Variants in CERS1 observed in about 807,000 individuals in gnomAD.
CERS1 encodes the protein Embryonic growth/differentiation factor 1.
CERS1 carries 16 observed loss-of-function variants against 35.7 expected under a neutral mutation model. The observed-to-expected ratio is 0.45, with a 90% CI of 0.30 to 0.68. CERS1 has a LOEUF of 0.68. Ranked by LOEUF, CERS1 falls within the 30% of genes least tolerant of loss-of-function variation. CERS1 has a pLI of 0.08. For missense variants in CERS1, 454 were observed against 453.9 expected (o/e 1.00, Z 0.00); for synonymous variants, 243 against 201.6 (o/e 1.21, Z -1.74).
chr19:18,888,945 G>GCA (rs1431207249), intron 2 of CERS1, among the ~76,000 whole-genome samples: 1 of 144,168 alleles, frequency 6.9e-6, no homozygotes, highest in Non-Finnish European at 1.5e-5. Flanking sequence ...AGGCTGGAGT[G>GCA]CAGTAGCATG....
intron 6 of CERS1, among the ~76,000 whole-genome samples, chr19:18,876,719 A>C (rs1443172641): frequency 1.3e-5 from 2 of 152,310 alleles, no homozygotes; most frequent in Middle Eastern, 6.8e-3. Flanking sequence ...TTAGATTTAC[A>C]GAGATGCTAC....
chr19:18,881,062 C>A (rs984434382), intron 3 of CERS1, among the ~76,000 whole-genome samples: 1 of 152,072 alleles, frequency 6.6e-6, no homozygotes, highest in Non-Finnish European at 1.5e-5. Context: ...ACCCCCGACT[C>A]TCACAGGCCT....
chr19:18,894,541 G>T (rs1273478427), intron 1 of CERS1, among the ~76,000 whole-genome samples: 3 of 152,118 alleles, frequency 2.0e-5, no homozygotes, highest in African/African-American at 7.2e-5. Context: ...CTCGGCCCTG[G>T]TAGTCTACCA....
chr19:18,883,794 G>A (rs1002915590), intron 3 of CERS1, among the ~76,000 whole-genome samples: 2 of 152,104 alleles, frequency 1.3e-5, no homozygotes, highest in South Asian at 2.1e-4. Context: ...CAAGGGCAGC[G>A]TCTGAAGAGC....
chr19:18,886,783 G>A (rs902681531), intron 2 of CERS1, among the ~76,000 whole-genome samples: 4 of 152,068 alleles, frequency 2.6e-5, no homozygotes, highest in Admixed American at 6.6e-5. Flanking sequence ...CCGCCTCTGC[G>A]ACAACTTTCA....
Position 18,869,188 on chromosome 19 carries a change from C to T in CERS1, c.*797G>A. On this transcript the variant is annotated 3_prime_UTR_variant, in exon 8 of 8. Coordinates refer to ENST00000623882, the MANE Select transcript of CERS1 (RefSeq NM_021267.5). The stretch of plus-strand genomic sequence containing the variant: ...GGCGGAGCAGCACCGGCCCGGGGTC[C>T]GCGCCCGCGCCCTGGCCCGCTTGCG... The T allele has an allele frequency of 1.7e-6, 2 of 1,174,974 alleles. No individual in the cohort carries two copies. Among genetic ancestry groups the T allele is most frequent in the Non-Finnish European group, 2.1e-6 (2 of 953,404 alleles). 72.8% of individuals were successfully genotyped at this position (1,174,974 alleles called of 1,614,324 possible).
At position 18,895,845 on chromosome 19, in the gene CERS1, C is replaced by A. The variant is rs1290674754; in HGVS notation, c.228G>T (p.Ala76=). The A allele has an allele frequency of 1.5e-6, 2 of 1,293,894 alleles. No homozygotes were observed. Among genetic ancestry groups the A allele is most frequent in the East Asian group, 3.4e-5 (1 of 29,384 alleles). The allele number at this position is 1,293,894 out of a possible 1,614,324, so 80.2% of individuals were successfully genotyped here. ...GALGWTALRS[A]ATARLFRPLA... is the part of the protein sequence containing the mutation. ...TGACCCGAAAGAGGCGCGCAGTGGC[C>A]GCGGAGCGCAGGGCGGTCCAGCCCA... The change falls in exon 1 of 8, where the codon GCG becomes GCT. Residue 76 remains alanine, a synonymous_variant. Coordinates refer to ENST00000623882, the MANE Select transcript of CERS1 (RefSeq NM_021267.5). This position sits in a 1 kb window ranked among gnomAD's most constrained non-coding sequence, Gnocchi z 6.4.
chr19:18,868,731 G>C lies in CERS1; in HGVS notation c.*1254C>G. 1 of 1,534,320 alleles carries C rather than the reference G, an allele frequency of 6.5e-7. No individual in the cohort carries two copies. The highest frequency in any genetic ancestry group is 8.8e-7 in the Non-Finnish European group (1 of 1,137,058). ...CAGCAGGGCAGGTCGGCGGCTCCCG[G>C]GGCGGCCGCGTGCATGAGCGCGCGC... On this transcript the variant is annotated 3_prime_UTR_variant, in exon 8 of 8. Transcript: ENST00000623882.
In CERS1 at chr19:18,870,209, TG is replaced by T. The variant is rs1226932961; in HGVS notation, c.*367del. ...CCTGGAGCAGGGCGGCGGCTGGGCC[TG>T]GGGGCACGGGGGCGCGGGTCAGGGG... On this transcript the variant is annotated 3_prime_UTR_variant, in exon 7 of 8. Transcript: ENST00000623882. The surrounding 1 kb of genome is among the most constrained non-coding windows in gnomAD (Gnocchi z 5.1). The T allele has an allele frequency of 6.4e-6, 10 of 1,557,722 alleles. No individual in the cohort carries two copies. The highest frequency in any genetic ancestry group is 2.3e-5 in the East Asian group (1 of 43,248).
At position 18,870,245 on chromosome 19, in the gene CERS1, C is replaced by T. The variant is rs1157966656; in HGVS notation, c.*332G>A. 7.1e-6 allele frequency: 11 copies of T among 1,551,126 alleles called. No homozygotes were observed. Among genetic ancestry groups the T allele is most frequent in the African/African-American group, 4.1e-5 (3 of 73,134 alleles). On this transcript the variant is annotated 3_prime_UTR_variant, in exon 7 of 8. Transcript: ENST00000623882. The surrounding 1 kb of genome is among the most constrained non-coding windows in gnomAD (Gnocchi z 5.1). ...GGGCGCGGGTCAGGGGCAGCGAGGG[C>T]AGCAGCAGGGCCAGGAGGAGGAGGA... is the stretch of plus-strand genomic sequence containing the variant.
chr19:18,892,007 A>C (rs1330479202), intron 2 of CERS1, among the ~76,000 whole-genome samples: 17 of 146,936 alleles, frequency 1.2e-4, no homozygotes, highest in East Asian at 2.0e-4. Flanking sequence ...GATTCTCCTG[A>C]CTCAGCCTCC....
chr19:18,887,362 T>C (rs1195815317), intron 2 of CERS1, among the ~76,000 whole-genome samples: 1 of 152,014 alleles, frequency 6.6e-6, no homozygotes, highest in Non-Finnish European at 1.5e-5. Flanking sequence ...AGAGGACTGG[T>C]GAGTGACTGC....
Position 18,868,961 on chromosome 19 carries a change from C to T in CERS1, c.*1024G>A. On this transcript the variant is annotated 3_prime_UTR_variant, in exon 8 of 8. Coordinates refer to ENST00000623882, the MANE Select transcript of CERS1 (RefSeq NM_021267.5). ...GCCCAACACGGGTTCGGCGTCGCGC[C>T]GCGGCCGGGCCAGGGGGTGGCACAG... 8.5e-7 allele frequency: 1 copy of T among 1,171,282 alleles called. No individual in the cohort carries two copies. The highest frequency in any genetic ancestry group is 1.1e-6 in the Non-Finnish European group (1 of 948,580). The allele number at this position is 1,171,282 out of a possible 1,614,324, so 72.6% of individuals were successfully genotyped here. A position where few individuals can be genotyped will look rare whatever the true frequency, so the allele number is the denominator to read the frequency against.
intron 3 of CERS1, among the ~76,000 whole-genome samples, chr19:18,881,191 C>T (rs1469314591): frequency 1.3e-5 from 2 of 151,864 alleles, no homozygotes; most frequent in Non-Finnish European, 2.9e-5. Context: ...AGGCCTCTGC[C>T]GCAGCCCATC....
In CERS1 at chr19:18,870,349, G is replaced by T; in HGVS notation, c.*228C>A. ...GACCAGAGAGTGCGCAGGGTCCGCGGCGGCCCGGGACCAGTGGGCTGAGGG... is the reference window on the plus strand; with the variant it reads ...GACCAGAGAGTGCGCAGGGTCCGCGTCGGCCCGGGACCAGTGGGCTGAGGG... On this transcript the variant is annotated 3_prime_UTR_variant, in exon 7 of 8. Coordinates refer to ENST00000623882, the MANE Select transcript of CERS1 (RefSeq NM_021267.5). This position sits in a 1 kb window ranked among gnomAD's most constrained non-coding sequence, Gnocchi z 5.1. 6.5e-7 allele frequency: 1 copy of T among 1,541,846 alleles called. No individual in the cohort carries two copies.
At chr19:18,888,887 T>G (rs1601183565) in intron 2 of CERS1, among the ~76,000 whole-genome samples, 1 of 147,360 alleles carries the variant, frequency 6.8e-6, no homozygotes, top group East Asian at 2.0e-4. Context: ...ATTTCTTTCT[T>G]TCTTTTTTTT....
At chr19:18,874,635 G>A (rs1292222000) in intron 6 of CERS1, among the ~76,000 whole-genome samples, 1 of 152,240 alleles carries the variant, frequency 6.6e-6, no homozygotes, top group African/African-American at 2.4e-5. Flanking sequence ...TTGGACAGAG[G>A]GGCTGAGTCA....
chr19:18,884,628 C>T (rs1210058744), intron 2 of CERS1, among the ~76,000 whole-genome samples: 3 of 150,644 alleles, frequency 2.0e-5, no homozygotes, highest in Non-Finnish European at 2.9e-5. Flanking sequence ...AGGATGGTCT[C>T]GATCTCCTGA....
Position 18,878,873 on chromosome 19 carries a change from G to A in CERS1, c.1010+57C>T, listed in dbSNP as rs574583812. ...GTCTTGGGGGCCTGCCCACGAACAC[G>A]CTTGGACGGGTGACACTAAAGGAGG... On this transcript the variant is annotated intron_variant, in intron 6 of 7. Transcript: ENST00000623882. The surrounding 1 kb of genome is among the most constrained non-coding windows in gnomAD (Gnocchi z 4.6). 5.5e-5 allele frequency: 87 copies of A among 1,592,336 alleles called. 1 individual carries two copies. In the South Asian group the frequency reaches 8.2e-4, roughly 15 times the overall value.
Sources: allele counts gnomAD v4.1 joint callset (sites outside exome capture counted in the v4.1 genomes callset), GRCh38; gene constraint gnomAD v4.1.1; non-coding constraint Gnocchi (gnomAD v3.1); transcripts MANE v1.5; gene names NCBI Gene and HGNC (gene_info 2026-07-23, HGNC 2026-07-21).